The following CACNA1C variants were observed in gnomAD, a reference collection of about 807,000 sequenced individuals.
The protein encoded by CACNA1C is voltage-dependent L-type calcium channel subunit alpha-1C.
Under a neutral mutation model 229.0 loss-of-function variants are expected in CACNA1C, and 30 were observed. The ratio of observed to expected loss-of-function variants is 0.13; its 90% CI spans 0.10 to 0.18. The LOEUF is 0.18. CACNA1C is among the 10% of genes least tolerant of loss of function. CACNA1C has a pLI of 1.00. For missense variants in CACNA1C, 1,658 were observed against 2,845.0 expected, an observed-to-expected ratio of 0.58 and a Z score of 9.49; for synonymous variants, 1,114 against 1,132.5, an observed-to-expected ratio of 0.98 and a Z score of 0.33.
intron 3 of CACNA1C, among the ~76,000 whole-genome samples, chr12:2,353,287 C>T (rs972458785): frequency 1.1e-4 from 16 of 152,154 alleles, no homozygotes; most frequent in Non-Finnish European, 2.4e-4. Context: ...GTCTCCAAGG[C>T]CTGACTCACA....
At chr12:2,028,403 G>A (rs2154491042) in intron 1 of CACNA1C, among the ~76,000 whole-genome samples, 1 of 152,292 alleles carries the variant, frequency 6.6e-6, no homozygotes, top group African/African-American at 2.4e-5. Context: ...TTTTATAGAG[G>A]AGGATGCTGA....
intron 3 of CACNA1C, among the ~76,000 whole-genome samples, chr12:2,388,361 G>A (rs1341017476): frequency 6.6e-6 from 1 of 152,194 alleles, no homozygotes; most frequent in Non-Finnish European, 1.5e-5. Flanking sequence ...TGGATTAGTT[G>A]ATCACCTTGG....
At chr12:2,385,965 T>G (rs1232258995) in intron 3 of CACNA1C, among the ~76,000 whole-genome samples, 1 of 152,188 alleles carries the variant, frequency 6.6e-6, no homozygotes, top group Non-Finnish European at 1.5e-5. Context: ...TGACCATTAT[T>G]AAAAATTATA....
At chr12:2,165,702 C>T (rs1354854550) in intron 3 of CACNA1C, among the ~76,000 whole-genome samples, 1 of 151,760 alleles carries the variant, frequency 6.6e-6, no homozygotes, top group African/African-American at 2.4e-5. Flanking sequence ...CATTACCTTT[C>T]AAGCAACTTC....
Position 2,679,605 on chromosome 12 carries a change from C to T in CACNA1C, c.5253C>T (p.Ser1751=). ...CATCCCACGAGAAGCTGGTGGACTC[C>T]ACCTTCACCCCGAGCAGCTACTCGT... ...ESPSHEKLVD[S]TFTPSSYSST... Residue 1751 remains serine, a synonymous_variant, in exon 42 of 47, where the codon TCC becomes TCT. Transcript: ENST00000399655. This position sits in a 1 kb window ranked among gnomAD's most constrained non-coding sequence, Gnocchi z 5.5. 6.2e-7 allele frequency: 1 copy of T among 1,613,834 alleles called. No homozygotes were observed. Among genetic ancestry groups the T allele is most frequent in the South Asian group, 1.1e-5 (1 of 91,046 alleles).
At chr12:2,092,353 C>A (rs2071562784) in intron 1 of CACNA1C, among the ~76,000 whole-genome samples, 1 of 152,200 alleles carries the variant, frequency 6.6e-6, no homozygotes, top group Admixed American at 6.5e-5. Context: ...CCAGTTCAAA[C>A]CTGATAAGCT....
At chr12:2,124,875 C>T (rs1024429511) in intron 3 of CACNA1C, among the ~76,000 whole-genome samples, 5 of 152,020 alleles carry the variant, frequency 3.3e-5, no homozygotes, top group African/African-American at 7.2e-5. Flanking sequence ...GCCCGTGGAG[C>T]GTGAGGCTGG....
At chr12:2,397,830 G>C (rs1310838572) in intron 3 of CACNA1C, among the ~76,000 whole-genome samples, 1 of 152,260 alleles carries the variant, frequency 6.6e-6, no homozygotes, top group African/African-American at 2.4e-5. Flanking sequence ...GTAGGGAGGG[G>C]CAGTCAGGAG....
intron 5 of CACNA1C, among the ~76,000 whole-genome samples, chr12:2,478,569 G>T (rs1472574306): frequency 6.6e-6 from 1 of 152,288 alleles, no homozygotes; most frequent in African/African-American, 2.4e-5. Flanking sequence ...AAATAACAAT[G>T]GCTGTCACTG....
chr12:2,178,664 G>A (rs2096739854), intron 3 of CACNA1C, among the ~76,000 whole-genome samples: 1 of 152,104 alleles, frequency 6.6e-6, no homozygotes, highest in Middle Eastern at 3.2e-3. Context: ...TTCATGACCG[G>A]GTTCCCACTC....
rs150936832 is a variant in CACNA1C, at chr12:2,596,094, G to T, written c.2793+91G>T. 728 of 1,313,362 alleles carry T rather than the reference G, an allele frequency of 5.5e-4. 5 individuals carry two copies. The East Asian group carries it at 0.014, about 26-fold the overall frequency. 81.4% of individuals were successfully genotyped at this position (1,313,362 alleles called of 1,614,324 possible). On this transcript the variant is annotated intron_variant, in intron 20 of 46. Coordinates refer to ENST00000399655, the MANE Select transcript of CACNA1C (RefSeq NM_000719.7). ...TGCTGACATCATTGTTCAATCAGGA[G>T]CCCAATTCTAGGTGTCATAATTAGA... is the stretch of plus-strand genomic sequence containing the variant.
chr12:2,116,488 C>G (rs2083923481), intron 2 of CACNA1C, among the ~76,000 whole-genome samples: 1 of 152,182 alleles, frequency 6.6e-6, no homozygotes, highest in East Asian at 1.9e-4. Context: ...GCCTCAGCCT[C>G]CTGTATAGCC....
chr12:2,249,008 T>C (rs1331821213), intron 3 of CACNA1C, among the ~76,000 whole-genome samples: 2 of 152,212 alleles, frequency 1.3e-5, no homozygotes, highest in African/African-American at 4.8e-5. Flanking sequence ...ATGGCCATGC[T>C]TGACTGGCAC....
chr12:2,202,545 G>T (rs1309204659), intron 3 of CACNA1C, among the ~76,000 whole-genome samples: 3 of 152,062 alleles, frequency 2.0e-5, no homozygotes, highest in Non-Finnish European at 2.9e-5. Context: ...AACAGGTATG[G>T]AAGTTGTTTT....
In CACNA1C at chr12:2,390,789, G is replaced by A. The variant is rs868301418; in HGVS notation, c.478-58187G>A. ...CTGAGAACTGGACAGGGCCCTGACA[G>A]GACCCATTCACCTTCTGGAGGCATC... is the stretch of plus-strand genomic sequence containing the variant. On this transcript the variant is annotated intron_variant, in intron 3 of 46. Coordinates refer to ENST00000399655, the MANE Select transcript of CACNA1C (RefSeq NM_000719.7). Among the ~76,000 whole-genome samples the A allele has an allele frequency of 2.6e-5, 4 of 152,312 alleles. No individual in the cohort carries two copies. In the South Asian group the frequency reaches 8.3e-4, roughly 32 times the overall value.
chr12:2,177,259 A>G (rs1050790319), intron 3 of CACNA1C, among the ~76,000 whole-genome samples: 7 of 152,188 alleles, frequency 4.6e-5, no homozygotes, highest in African/African-American at 1.7e-4. Context: ...TATCCCTGTC[A>G]GGTAGCTGCT....
In CACNA1C at chr12:2,544,614, C is replaced by A. The variant is rs894817056; in HGVS notation, c.1391-5329C>A. Among the ~76,000 whole-genome samples, 6 of 152,200 alleles carry A rather than the reference C, an allele frequency of 3.9e-5. No individual in the cohort carries two copies. The South Asian group carries it at 6.2e-4, about 16-fold the overall frequency. Reference sequence around the variant, plus strand: ...ACCATTACAATCAACACATTTTTGCCAACAAGAAATAAGATTTTTATTCCT... The same window carrying A: ...ACCATTACAATCAACACATTTTTGCAAACAAGAAATAAGATTTTTATTCCT... On this transcript the variant is annotated intron_variant, in intron 9 of 46. Coordinates refer to ENST00000399655, the MANE Select transcript of CACNA1C (RefSeq NM_000719.7).
chr12:1,989,335 C>A (rs2038732714), intron 1 of CACNA1C, among the ~76,000 whole-genome samples: 1 of 151,302 alleles, frequency 6.6e-6, no homozygotes, highest in Non-Finnish European at 1.5e-5. Flanking sequence ...AAGAACTTGT[C>A]TCTAAAGAGC....
intron 3 of CACNA1C, among the ~76,000 whole-genome samples, chr12:2,271,005 C>T (rs2084732524): frequency 1.3e-5 from 2 of 152,114 alleles, no homozygotes; most frequent in South Asian, 4.1e-4. Flanking sequence ...TCTAGGACAA[C>T]GTGGATCTGT....
Sources: allele counts gnomAD v4.1 joint callset (sites outside exome capture counted in the v4.1 genomes callset), GRCh38; gene constraint gnomAD v4.1.1; non-coding constraint Gnocchi (gnomAD v3.1); transcripts MANE v1.5; gene names NCBI Gene and HGNC (gene_info 2026-07-23, HGNC 2026-07-21).